SLC35F4: variants seen among roughly 807,000 people sequenced by gnomAD.
SLC35F4 encodes solute carrier family 35 member F4, also known as chromosome 14 open reading frame 36.
Under a neutral mutation model 44.2 loss-of-function variants are expected in SLC35F4, and 24 were observed. The ratio of observed to expected loss-of-function variants is 0.54; its 90% CI spans 0.39 to 0.76. The LOEUF is 0.76. SLC35F4 is among the 30% of genes least tolerant of loss of function. SLC35F4 has a pLI of 0.00. For missense variants in SLC35F4, 562 were observed against 586.1 expected (o/e 0.96, Z 0.42); for synonymous variants, 238 against 223.6 (o/e 1.06, Z -0.57).
At chr14:57,960,806 G>A (rs1274352886) in intron 1 of SLC35F4, among the ~76,000 whole-genome samples, 1 of 152,182 alleles carries the variant, frequency 6.6e-6, no homozygotes, top group East Asian at 1.9e-4. Flanking sequence ...AGTGGAAGAA[G>A]TTAGGCTGAC....
chr14:57,968,872 A>G (rs1880969106), intron 1 of SLC35F4, among the ~76,000 whole-genome samples: 1 of 152,222 alleles, frequency 6.6e-6, no homozygotes, highest in African/African-American at 2.4e-5. Context: ...TTAGCAGTTA[A>G]ATTTGACTTT....
chr14:57,732,024 T>C (rs541098860), intron 1 of SLC35F4, among the ~76,000 whole-genome samples: 42 of 152,132 alleles, frequency 2.8e-4, no homozygotes, highest in Non-Finnish European at 5.1e-4. Flanking sequence ...GCAATACACA[T>C]AGTCTGGCTA....
intron 1 of SLC35F4, among the ~76,000 whole-genome samples, chr14:57,651,549 G>A (rs2073784468): frequency 6.6e-6 from 1 of 152,074 alleles, no homozygotes; most frequent in South Asian, 2.1e-4. Context: ...CCACCTCTGA[G>A]GAGTAACCCC....
rs574575801 is a variant in SLC35F4 at position 57,597,559 on chromosome 14, C to T, written c.104-3435G>A. ...ATGATGCAGACATGTAACCAATTAGCCACAGTTTGATGCAGCTGGGGGAGC... is the reference window on the plus strand; with the variant it reads ...ATGATGCAGACATGTAACCAATTAGTCACAGTTTGATGCAGCTGGGGGAGC... On this transcript the variant is annotated intron_variant, in intron 1 of 7. Coordinates refer to ENST00000556826, the MANE Select transcript of SLC35F4 (RefSeq NM_001306087.2). 2.0e-5 allele frequency among the ~76,000 whole-genome samples: 3 copies of T among 152,260 alleles called. No individual in the cohort carries two copies. The South Asian group carries it at 6.2e-4, about 32-fold the overall frequency.
intron 1 of SLC35F4, among the ~76,000 whole-genome samples, chr14:57,936,458 T>G (rs1484011502): frequency 6.6e-6 from 1 of 152,240 alleles, no homozygotes; most frequent in Non-Finnish European, 1.5e-5. Flanking sequence ...GTTCAGATCT[T>G]CTTCCATTAA....
intron 1 of SLC35F4, among the ~76,000 whole-genome samples, chr14:57,697,188 A>G (rs2075408978): frequency 6.6e-6 from 1 of 152,154 alleles, no homozygotes; most frequent in African/African-American, 2.4e-5. Flanking sequence ...TCCATGCAAA[A>G]TATTTCTAAT....
chr14:57,751,908 A>G (rs1362723194), intron 1 of SLC35F4, among the ~76,000 whole-genome samples: 1 of 139,658 alleles, frequency 7.2e-6, no homozygotes, highest in Non-Finnish European at 1.6e-5. Context: ...CCCTTAAAAA[A>G]CATTTCTCTC....
intron 1 of SLC35F4, among the ~76,000 whole-genome samples, chr14:57,911,208 C>T (rs2141051447): frequency 6.6e-6 from 1 of 152,000 alleles, no homozygotes; most frequent in African/African-American, 2.4e-5. Context: ...TTGTTTTCTA[C>T]ATAGACAATA....
At chr14:57,897,876 T>C (rs1448314884) in intron 1 of SLC35F4, among the ~76,000 whole-genome samples, 2 of 152,150 alleles carry the variant, frequency 1.3e-5, no homozygotes, top group East Asian at 3.8e-4. Context: ...TTGGAATGAG[T>C]TCCAGTGAGT....
intron 1 of SLC35F4, among the ~76,000 whole-genome samples, chr14:57,855,849 C>A (rs1887032113): frequency 6.6e-6 from 1 of 152,162 alleles, no homozygotes; most frequent in Non-Finnish European, 1.5e-5. Context: ...CCATGGAATA[C>A]TATGCAGCCA....
At chr14:57,847,808 C>G (rs1184289696) in intron 1 of SLC35F4, among the ~76,000 whole-genome samples, 2 of 152,162 alleles carry the variant, frequency 1.3e-5, no homozygotes, top group Non-Finnish European at 2.9e-5. Flanking sequence ...TACTCTGCCA[C>G]TATGAATATG....
rs190373967 is a variant in SLC35F4, at chr14:57,821,502, G to A, written c.103+44221C>T. Among the ~76,000 whole-genome samples the A allele has an allele frequency of 1.6e-3, 238 of 152,320 alleles. 2 individuals are homozygous for A. The highest frequency in any genetic ancestry group is 8.7e-4 in the Non-Finnish European group (59 of 68,030). On this transcript the variant is annotated intron_variant, in intron 1 of 7. Coordinates refer to ENST00000556826, the MANE Select transcript of SLC35F4 (RefSeq NM_001306087.2). ...TGCAGTATACAAACCATAACAGCAG[G>A]TAATAAGGGCATTCAGTAAAACTAA...
intron 1 of SLC35F4, among the ~76,000 whole-genome samples, chr14:57,739,593 C>T (rs1013380968): frequency 3.9e-5 from 6 of 152,182 alleles, no homozygotes; most frequent in Admixed American, 2.0e-4. Context: ...TCCTCCCTTC[C>T]TGGATCAAAC....
At chr14:57,795,286 G>C (rs2078028259) in intron 1 of SLC35F4, among the ~76,000 whole-genome samples, 1 of 152,112 alleles carries the variant, frequency 6.6e-6, no homozygotes, top group Admixed American at 6.6e-5. Context: ...AAAAGTTTTT[G>C]TTCTGTCTAT....
intron 1 of SLC35F4, among the ~76,000 whole-genome samples, chr14:57,657,378 GA>G (rs1304394944): frequency 4.6e-5 from 7 of 152,170 alleles, no homozygotes; most frequent in African/African-American, 1.7e-4. Flanking sequence ...CATTGGAACT[GA>G]GAGCCATCTC....
chr14:57,978,168 C>A (rs1044407638), intron 1 of SLC35F4, among the ~76,000 whole-genome samples: 3 of 152,084 alleles, frequency 2.0e-5, no homozygotes, highest in Non-Finnish European at 4.4e-5. Context: ...GCATCCCTCA[C>A]CAAGGCTGAT....
intron 1 of SLC35F4, among the ~76,000 whole-genome samples, chr14:57,649,484 T>C (rs1261729395): frequency 1.3e-5 from 2 of 152,182 alleles, no homozygotes; most frequent in Non-Finnish European, 2.9e-5. Context: ...TAAAGGAAGC[T>C]TGTGATTACC....
intron 1 of SLC35F4, among the ~76,000 whole-genome samples, chr14:57,805,260 C>A (rs149090502): frequency 1.8e-4 from 27 of 152,208 alleles, no homozygotes; most frequent in Middle Eastern, 3.4e-3. Context: ...CCCAGCAATC[C>A]CATTACTGGG....
intron 1 of SLC35F4, among the ~76,000 whole-genome samples, chr14:57,712,494 G>A (rs1225989078): frequency 1.3e-5 from 2 of 152,126 alleles, no homozygotes; most frequent in South Asian, 2.1e-4. Context: ...TTAGCCTAGA[G>A]TTTTTCAAGG....
Sources: allele counts gnomAD v4.1 joint callset (sites outside exome capture counted in the v4.1 genomes callset), GRCh38; gene constraint gnomAD v4.1.1; transcripts MANE v1.5; gene names NCBI Gene and HGNC (gene_info 2026-07-23, HGNC 2026-07-21).